The following TBC1D8 variants were observed in gnomAD, a reference collection of about 807,000 sequenced individuals.
The protein encoded by TBC1D8 is BUB2-like protein 1.
A neutral mutation model predicts 118.8 loss-of-function variants in TBC1D8; 65 were observed. The observed-to-expected ratio is 0.55, with a 90% CI of 0.45 to 0.67. The LOEUF (loss-of-function observed/expected upper bound fraction) is 0.67. Among genes scored for constraint, TBC1D8 ranks in the 30% least tolerant of loss-of-function variants. The pLI is 0.00. For missense variants in TBC1D8, 1,376 were observed against 1,471.2 expected, an observed-to-expected ratio of 0.94 and a Z score of 1.06; for synonymous variants, 566 against 595.8, an observed-to-expected ratio of 0.95 and a Z score of 0.73.
intron 1 of TBC1D8, among the ~76,000 whole-genome samples, 181 bp from the exon 2 acceptor site, chr2:101,090,545 T>C (rs1189860608): frequency 2.0e-5 from 3 of 152,218 alleles, no homozygotes; most frequent in Non-Finnish European, 4.4e-5. Context: ...TCTGTCTGCA[T>C]CCGCAGCAGG....
At chr2:101,127,666 G>C (rs1678412170) in intron 1 of TBC1D8, among the ~76,000 whole-genome samples, 1 of 152,094 alleles carries the variant, frequency 6.6e-6, no homozygotes. Flanking sequence ...GCCTCCCAAA[G>C]TGCTGGGATT....
At chr2:101,021,609 C>CA in intron 17 of TBC1D8, 72 bp downstream of exon 17, 1 of 1,048,054 alleles carries the variant, frequency 9.5e-7, no homozygotes, top group Non-Finnish European at 1.4e-6. Flanking sequence ...AGAAGAGCTT[C>CA]AGAGTCATGC....
intron 1 of TBC1D8, among the ~76,000 whole-genome samples, chr2:101,094,375 A>T (rs916745032): frequency 1.1e-4 from 17 of 152,178 alleles, no homozygotes; most frequent in African/African-American, 4.1e-4. Context: ...GGGATTGATA[A>T]AACAACCTTT....
At chr2:101,082,677 G>A (rs999099866) in intron 2 of TBC1D8, among the ~76,000 whole-genome samples, 1 of 152,170 alleles carries the variant, frequency 6.6e-6, no homozygotes, top group Non-Finnish European at 1.5e-5. Flanking sequence ...GTCACCAAAA[G>A]ACCAACACTG....
intron 2 of TBC1D8, among the ~76,000 whole-genome samples, chr2:101,089,335 G>A (rs187445513): frequency 7.2e-4 from 110 of 152,218 alleles, no homozygotes; most frequent in Non-Finnish European, 1.1e-3. Flanking sequence ...AAGATTAGCT[G>A]TGGATAAAGG....
chr2:101,046,067 G>A (rs945252266), intron 5 of TBC1D8, among the ~76,000 whole-genome samples: 6 of 152,216 alleles, frequency 3.9e-5, no homozygotes, highest in Admixed American at 1.3e-4. Context: ...CTAAAAACAA[G>A]GCCAGATCCA....
rs1681299902 is a variant in TBC1D8, at chr2:101,040,279, T to C, written c.979A>G (p.Ser327Gly). ...ATCCGCCCCGTGGTGTGACAGCGACTGAACGGCGTCCAGAGCGAACAGTCC... is the reference window on the plus strand; with the variant it reads ...ATCCGCCCCGTGGTGTGACAGCGACCGAACGGCGTCCAGAGCGAACAGTCC... ...VVDCSLWTPF[S>G]RCHTTGRMFA... is the part of the protein sequence containing the mutation. The change falls in exon 6 of 20, where the codon AGT (serine) becomes GGT (glycine). Residue 327 changes from serine to glycine, a missense_variant. Ser to Gly is a moderately conservative substitution (Grantham distance 56). Coordinates refer to ENST00000409318, the MANE Select transcript of TBC1D8 (RefSeq NM_001330348.2). 1 of 1,614,050 alleles carries C rather than the reference T, an allele frequency of 6.2e-7. No homozygotes were observed. Among genetic ancestry groups the C allele is most frequent in the Non-Finnish European group, 8.5e-7 (1 of 1,179,902 alleles).
intron 16 of TBC1D8, among the ~76,000 whole-genome samples, chr2:101,022,019 GCCA>G (rs752170655): frequency 2.3e-4 from 35 of 152,156 alleles, no homozygotes; most frequent in Admixed American, 6.6e-4. Context: ...CTCCCAACAA[GCCA>G]CCACCACATC....
Position 101,053,975 on chromosome 2 carries a change from A to G in TBC1D8, c.631+133T>C, listed in dbSNP as rs927971195. The G allele has an allele frequency of 5.2e-6, 4 of 775,500 alleles. No homozygotes were observed. The African/African-American group carries it at 5.3e-5, about 10-fold the overall frequency. 48.0% of individuals were successfully genotyped at this position (775,500 alleles called of 1,614,324 possible). ...CTAGCAGTAGCATATATAAGTAATC[A>G]AGTGTCACCTGGTGTCATCTCCACC... is the stretch of plus-strand genomic sequence containing the variant. On this transcript the variant is annotated intron_variant, in intron 4 of 19. Coordinates refer to ENST00000409318, the MANE Select transcript of TBC1D8 (RefSeq NM_001330348.2).
At chr2:101,108,586 G>C (rs766523312) in intron 1 of TBC1D8, among the ~76,000 whole-genome samples, 9 of 152,016 alleles carry the variant, frequency 5.9e-5, no homozygotes, top group Middle Eastern at 3.2e-3. Flanking sequence ...ACTTTACTTG[G>C]CTCGGGGCCC....
At chr2:101,142,556 A>C (rs1280099103) in intron 1 of TBC1D8, among the ~76,000 whole-genome samples, 1 of 152,222 alleles carries the variant, frequency 6.6e-6, no homozygotes, top group African/African-American at 2.4e-5. Flanking sequence ...ACATTCACTC[A>C]ATGGATTACT....
At chr2:101,116,924 C>A (rs1054962907) in intron 1 of TBC1D8, among the ~76,000 whole-genome samples, 2 of 152,024 alleles carry the variant, frequency 1.3e-5, no homozygotes, top group Non-Finnish European at 2.9e-5. Flanking sequence ...TACAGGTGTG[C>A]ACCACCATGC....
At chr2:101,140,447 G>T (rs531858974) in intron 1 of TBC1D8, among the ~76,000 whole-genome samples, 2 of 152,106 alleles carry the variant, frequency 1.3e-5, no homozygotes, top group Non-Finnish European at 2.9e-5. Flanking sequence ...ACAGGCGTCC[G>T]GGGAAAATCA....
At chr2:101,008,797 G>A (rs1678949424) in intron 19 of TBC1D8, among the ~76,000 whole-genome samples, 1 of 147,204 alleles carries the variant, frequency 6.8e-6, no homozygotes, top group Non-Finnish European at 1.5e-5. Context: ...GGCAACAAGA[G>A]TAAAACTTTG....
chr2:101,048,023 G>A (rs1030114750), intron 5 of TBC1D8, among the ~76,000 whole-genome samples: 4 of 152,138 alleles, frequency 2.6e-5, no homozygotes, highest in Admixed American at 6.5e-5. Flanking sequence ...AAATCCCAGC[G>A]CTGTGGGGCT....
chr2:101,074,103 TTTGATATAAAG>T (rs1399071766), intron 2 of TBC1D8, among the ~76,000 whole-genome samples: 2 of 152,240 alleles, frequency 1.3e-5, no homozygotes, highest in African/African-American at 4.8e-5. Flanking sequence ...ATTTTTAGCT[TTTGATATAAAG>T]TGAAAGACAT....
intron 2 of TBC1D8, among the ~76,000 whole-genome samples, chr2:101,073,296 ATTTAT>A (rs1418944975): frequency 7.6e-4 from 58 of 75,980 alleles, no homozygotes; most frequent in African/African-American, 1.1e-3. Context: ...ATTTTATTTT[ATTTAT>A]TTTTTTTTTT....
intron 2 of TBC1D8, among the ~76,000 whole-genome samples, chr2:101,083,427 A>G (rs1200491541): frequency 1.3e-5 from 2 of 151,968 alleles, no homozygotes; most frequent in African/African-American, 4.8e-5. Flanking sequence ...CTCCCAAACA[A>G]CTCACAACCA....
intron 2 of TBC1D8, among the ~76,000 whole-genome samples, chr2:101,077,064 C>A (rs991030019): frequency 5.9e-5 from 9 of 152,186 alleles, no homozygotes; most frequent in Non-Finnish European, 1.3e-4. Context: ...CGCTCTGTCG[C>A]CCAGACTGGA....
Sources: allele counts gnomAD v4.1 joint callset (sites outside exome capture counted in the v4.1 genomes callset), GRCh38; gene constraint gnomAD v4.1.1; transcripts MANE v1.5; gene names NCBI Gene and HGNC (gene_info 2026-07-23, HGNC 2026-07-21).